CRYBG1: variants seen among roughly 807,000 people sequenced by gnomAD.
The protein encoded by CRYBG1 is crystallin beta-gamma domain containing 1, also known as beta/gamma crystallin domain-containing protein 1.
CRYBG1 carries 139 observed loss-of-function variants against 189.2 expected under a neutral mutation model. That is an observed-to-expected ratio of 0.73 (90% CI 0.64 to 0.85). The LOEUF is 0.85. Ranked by LOEUF, CRYBG1 falls within the 40% of genes least tolerant of loss-of-function variation. The probability of loss-of-function intolerance (pLI) is 0.00; values close to 1 mark genes in which losing one functional copy is unlikely to be tolerated. For synonymous variants in CRYBG1, 1,023 were observed against 1,017.1 expected (o/e 1.01, Z -0.11); for missense variants, 2,611 against 2,675.8 (o/e 0.98, Z 0.53).
chr6:106,518,975 G>GCGCACACACACACA (rs1554188403), intron 3 of CRYBG1, among the ~76,000 whole-genome samples, 156 bp from the exon 4 acceptor site: 6 of 134,288 alleles, frequency 4.5e-5, no homozygotes, highest in Non-Finnish European at 6.6e-5. Flanking sequence ...ACATGTGTGC[G>GCGCACACACACACA]CACACACACA....
chr6:106,374,573 T>C lies in CRYBG1; in HGVS notation c.173+13492T>C, dbSNP rs573827966. On this transcript the variant is annotated intron_variant, in intron 1 of 21. Transcript: ENST00000633556. ...ACGTCTCGCTGAAAACAAACAAATA[T>C]GCTCAAGACAGAGGCTGAGAGATAA... Among the ~76,000 whole-genome samples, 48 of 151,978 alleles carry C rather than the reference T, an allele frequency of 3.2e-4. 1 individual carries two copies. The South Asian group carries it at 9.8e-3, about 31-fold the overall frequency.
intron 1 of CRYBG1, among the ~76,000 whole-genome samples, chr6:106,450,565 A>G (rs1771763578): frequency 6.6e-6 from 1 of 152,242 alleles, no homozygotes; most frequent in Non-Finnish European, 1.5e-5. Context: ...ACCCAAGTCA[A>G]AATGGCTTGA....
At chr6:106,479,378 C>T (rs1302108756) in intron 2 of CRYBG1, among the ~76,000 whole-genome samples, 2 of 152,132 alleles carry the variant, frequency 1.3e-5, no homozygotes, top group African/African-American at 2.4e-5. Flanking sequence ...TCCCAAAGGC[C>T]CCACCTCCAA....
At chr6:106,454,365 A>C (rs954447330) in intron 2 of CRYBG1, among the ~76,000 whole-genome samples, 2 of 152,070 alleles carry the variant, frequency 1.3e-5, no homozygotes, top group East Asian at 1.9e-4. Flanking sequence ...CTACCCACCC[A>C]CACACACACC....
intron 1 of CRYBG1, among the ~76,000 whole-genome samples, chr6:106,433,761 A>ATATATATACGTATATATATATATG (rs1771394304): frequency 3.7e-5 from 3 of 81,836 alleles, no homozygotes; most frequent in African/African-American, 1.3e-4. Flanking sequence ...ATATATGTGT[A>ATATATATACGTATATATATATATG]TATATATATA....
chr6:106,366,955 G>A (rs916009296), intron 1 of CRYBG1, among the ~76,000 whole-genome samples: 1 of 152,184 alleles, frequency 6.6e-6, no homozygotes. Flanking sequence ...GTACCTTTGA[G>A]TATTTGGATG....
chr6:106,441,915 G>T lies in CRYBG1; in HGVS notation c.174-9779G>T, dbSNP rs182295849. ...AGGAAATCTCTCTCATATTGAAAAT[G>T]ATTTTTTTAGTTTTATATTATTATC... is the stretch of plus-strand genomic sequence containing the variant. On this transcript the variant is annotated intron_variant, in intron 1 of 21. Coordinates refer to ENST00000633556, the MANE Select transcript of CRYBG1 (RefSeq NM_001371242.2). Among the ~76,000 whole-genome samples, 406 of 152,194 alleles carry T rather than the reference G, an allele frequency of 2.7e-3. 3 individuals carry two copies. Among genetic ancestry groups the T allele is most frequent in the African/African-American group, 9.6e-3 (399 of 41,532 alleles).
chr6:106,451,580 T>G (rs1380936946), intron 1 of CRYBG1, 114 bp from the exon 2 acceptor site: 2 of 1,055,756 alleles, frequency 1.9e-6, no homozygotes, highest in Admixed American at 6.6e-5. Context: ...GAATGATTCA[T>G]TATTTGGGCT....
At chr6:106,455,913 T>C (rs775955442) in intron 2 of CRYBG1, among the ~76,000 whole-genome samples, 64 of 152,246 alleles carry the variant, frequency 4.2e-4, no homozygotes, top group Non-Finnish European at 6.9e-4. Context: ...TCCTTCCCCC[T>C]CAAAACAAAA....
chr6:106,423,251 G>GTTTTTTTT (rs5878887), intron 1 of CRYBG1, among the ~76,000 whole-genome samples: 3 of 80,870 alleles, frequency 3.7e-5, no homozygotes, highest in African/African-American at 4.7e-5. Flanking sequence ...GAGTTGGCTG[G>GTTTTTTTT]TTTTTTTTTT....
At chr6:106,529,134 C>T (rs1190612398) in intron 7 of CRYBG1, among the ~76,000 whole-genome samples, 4 of 151,946 alleles carry the variant, frequency 2.6e-5, no homozygotes, top group African/African-American at 4.8e-5. Context: ...TTAGTAGAGA[C>T]GGGGTTTTGC....
At chr6:106,532,628 T>C (rs1488948486) in intron 8 of CRYBG1, among the ~76,000 whole-genome samples, 1 of 152,214 alleles carries the variant, frequency 6.6e-6, no homozygotes, top group Non-Finnish European at 1.5e-5. Flanking sequence ...TATCTCATTG[T>C]GGTTTTGATT....
intron 1 of CRYBG1, among the ~76,000 whole-genome samples, chr6:106,373,721 G>T (rs1225512650): frequency 6.6e-6 from 1 of 152,156 alleles, no homozygotes; most frequent in Non-Finnish European, 1.5e-5. Flanking sequence ...CATTTTACCA[G>T]ACTGGAAATT....
At chr6:106,362,821 A>G (rs1406455940) in intron 1 of CRYBG1, among the ~76,000 whole-genome samples, 1 of 152,262 alleles carries the variant, frequency 6.6e-6, no homozygotes, top group Non-Finnish European at 1.5e-5. Flanking sequence ...CTATTACCTC[A>G]GTAAATATTT....
rs1448839968 is a variant in CRYBG1, at chr6:106,548,918, G to A, written c.5313-2934G>A. Among the ~76,000 whole-genome samples the A allele has an allele frequency of 9.7e-4, 100 of 102,710 alleles. 1 individual carries two copies. The highest frequency in any genetic ancestry group is 2.7e-3 in the Admixed American group (18 of 6,768). 67.4% of individuals were successfully genotyped at this position (102,710 alleles called of 152,430 possible). ...CTCCCCCCACCCCACAACAGTCCCC[G>A]GTGTGTGATGTTCCCCTTCCTGTGT... On this transcript the variant is annotated intron_variant, in intron 13 of 21. Transcript: ENST00000633556.
At chr6:106,384,021 G>C (rs958333724) in intron 1 of CRYBG1, among the ~76,000 whole-genome samples, 1 of 152,230 alleles carries the variant, frequency 6.6e-6, no homozygotes, top group African/African-American at 2.4e-5. Flanking sequence ...CAGATGTGTA[G>C]TGTTGGCCAT....
At chr6:106,391,351 G>A (rs562767532) in intron 1 of CRYBG1, among the ~76,000 whole-genome samples, 1 of 152,212 alleles carries the variant, frequency 6.6e-6, no homozygotes, top group South Asian at 2.1e-4. Context: ...CAAAGTGCTG[G>A]GATTACAGGC....
At position 106,530,249 on chromosome 6, in the gene CRYBG1, A is replaced by T; in HGVS notation, c.4652A>T (p.Asp1551Val). The T allele has an allele frequency of 6.2e-7, 1 of 1,613,870 alleles. No homozygotes were observed. Among genetic ancestry groups the T allele is most frequent in the Non-Finnish European group, 8.5e-7 (1 of 1,179,852 alleles). Reference sequence around the variant, plus strand: ...GGAATCCTAAGTTCCTACTTTGATGATACTGAAGAAATGCAGGGATTTGGT... The same window carrying T: ...GGAATCCTAAGTTCCTACTTTGATGTTACTGAAGAAATGCAGGGATTTGGT... The part of the protein sequence containing the change: ...GLGILSSYFD[D>V]TEEMQGFGVM... The change falls in exon 8 of 22, where the codon GAT becomes GTT. Residue 1551 changes from aspartate (D) to valine (V), a missense_variant. Asp to Val is a radical substitution (Grantham distance 152). Coordinates refer to ENST00000633556, the MANE Select transcript of CRYBG1 (RefSeq NM_001371242.2).
chr6:106,481,397 T>A (rs533723007), intron 2 of CRYBG1, among the ~76,000 whole-genome samples: 1 of 152,184 alleles, frequency 6.6e-6, no homozygotes, highest in Admixed American at 6.5e-5. Context: ...AGCCATAGAA[T>A]TAAATCATGA....
Sources: gnomAD v4.1 joint callset for allele counts (sites outside exome capture counted in the v4.1 genomes callset) on GRCh38, gnomAD v4.1.1 for gene constraint, MANE v1.5 for transcripts, NCBI Gene and HGNC (gene_info 2026-07-23, HGNC 2026-07-21) for gene names.